SLC6A2: variants seen among roughly 807,000 people sequenced by gnomAD.
SLC6A2 encodes sodium-dependent noradrenaline transporter.
Under a neutral mutation model 71.7 loss-of-function variants are expected in SLC6A2, and 26 were observed. That is an observed-to-expected ratio of 0.36 (90% CI 0.27 to 0.50). SLC6A2 has a LOEUF of 0.50. SLC6A2 is among the 20% of genes least tolerant of loss of function. SLC6A2 has a pLI of 0.96. For missense variants in SLC6A2, 581 were observed against 803.9 expected (o/e 0.72, Z 3.35); for synonymous variants, 363 against 337.9 (o/e 1.07, Z -0.82).
chr16:55,690,825 A>G (rs28473298), intron 5 of SLC6A2, among the ~76,000 whole-genome samples: 150,470 of 152,326 alleles, frequency 0.99, 74,344 homozygotes, highest in Middle Eastern at 1. Context: ...GTATTTGAAT[A>G]TGTAGCCAAG....
chr16:55,657,381 C>T (rs1964487423), intron 2 of SLC6A2, among the ~76,000 whole-genome samples: 1 of 152,078 alleles, frequency 6.6e-6, no homozygotes, highest in African/African-American at 2.4e-5. Flanking sequence ...GAAGGGGCAC[C>T]AGAAGTGGGT....
chr16:55,663,844 G>A (rs1964675361), intron 2 of SLC6A2, among the ~76,000 whole-genome samples: 1 of 151,982 alleles, frequency 6.6e-6, no homozygotes, highest in Admixed American at 6.6e-5. Flanking sequence ...CTTGGAGCTG[G>A]CAGTAACAAA....
In SLC6A2 at chr16:55,671,963, C is replaced by A; in HGVS notation, c.432C>A (p.Ile144=). 6.2e-7 allele frequency: 1 copy of A among 1,614,142 alleles called. No individual in the cohort carries two copies. Among genetic ancestry groups the A allele is most frequent in the Non-Finnish European group, 8.5e-7 (1 of 1,180,026 alleles). Residue 144 remains isoleucine (I), a synonymous_variant, in exon 4 of 15, where the codon ATC becomes ATA. Transcript: ENST00000568943. ...FKGVGYAVIL[I]ALYVGFYYNV... ...GCGTTGGCTATGCTGTCATCCTGAT[C>A]GCCCTGTACGTTGGCTTCTACTACA...
intron 10 of SLC6A2, 33 bp downstream of exon 10, chr16:55,698,058 G>T: frequency 6.2e-7 from 1 of 1,610,008 alleles, no homozygotes; most frequent in East Asian, 2.2e-5. Context: ...GTCACCTGGG[G>T]GCCTCTGAGG....
chr16:55,663,352 C>T (rs989137268), intron 2 of SLC6A2, among the ~76,000 whole-genome samples: 1 of 152,118 alleles, frequency 6.6e-6, no homozygotes, highest in Admixed American at 6.5e-5. Flanking sequence ...AGTTCTCACG[C>T]CACTCTCTTG....
Position 55,685,299 on chromosome 16 carries a change from C to T in SLC6A2, c.783+18C>T. The T allele has an allele frequency of 6.2e-7, 1 of 1,612,658 alleles. No individual in the cohort carries two copies. Among genetic ancestry groups the T allele is most frequent in the Non-Finnish European group, 8.5e-7 (1 of 1,178,664 alleles). On this transcript the variant is annotated intron_variant, in intron 5 of 14. Coordinates refer to ENST00000568943, the MANE Select transcript of SLC6A2 (RefSeq NM_001172501.3). The stretch of plus-strand genomic sequence containing the variant: ...CAGGAAAGGTAATATCTCTGTGTTT[C>T]TCTTTCACTTACTTGGGTGATCAAC...
At chr16:55,689,712 C>T (rs574669860) in intron 5 of SLC6A2, among the ~76,000 whole-genome samples, 5 of 152,226 alleles carry the variant, frequency 3.3e-5, no homozygotes, top group Non-Finnish European at 7.3e-5. Context: ...GATTGATTAA[C>T]GTGAGGTCAC....
In SLC6A2 at chr16:55,702,517, C is replaced by G. The variant is rs1208075820; in HGVS notation, c.*171C>G. ...TTTCGTGACTGTAGTTTTTGTTCAC[C>G]TTCTGTGCATCTGGCCTGGGGGCTG... is the stretch of plus-strand genomic sequence containing the variant. On this transcript the variant is annotated 3_prime_UTR_variant, in exon 15 of 15. Coordinates refer to ENST00000568943, the MANE Select transcript of SLC6A2 (RefSeq NM_001172501.3). 1.1e-5 allele frequency: 17 copies of G among 1,519,192 alleles called. No homozygotes were observed. Among genetic ancestry groups the G allele is most frequent in the Non-Finnish European group, 1.5e-5 (17 of 1,130,552 alleles). 94.1% of individuals were successfully genotyped at this position (1,519,192 alleles called of 1,614,324 possible). A position where few individuals can be genotyped will look rare whatever the true frequency, so the allele number is the denominator to read the frequency against.
intron 9 of SLC6A2, 66 bp downstream of exon 9, chr16:55,696,403 C>G: frequency 1.1e-5 from 10 of 931,232 alleles, no homozygotes; most frequent in African/African-American, 1.6e-5. Context: ...CCCCAACACA[C>G]AGTGCTGGGC....
chr16:55,691,189 G>A (rs1273535041), intron 5 of SLC6A2, among the ~76,000 whole-genome samples: 4 of 138,008 alleles, frequency 2.9e-5, no homozygotes, highest in African/African-American at 8.1e-5. Flanking sequence ...GAGGGAGGGA[G>A]GATGGGAAGA....
chr16:55,669,516 G>T (rs1413201770), intron 2 of SLC6A2, 49 bp from the exon 3 acceptor site: 1 of 1,610,456 alleles, frequency 6.2e-7, no homozygotes, highest in South Asian at 1.1e-5. Context: ...ATCCAAGACT[G>T]GGAGGGGCAG....
chr16:55,658,380 G>C (rs914545606), intron 2 of SLC6A2, among the ~76,000 whole-genome samples: 3 of 152,146 alleles, frequency 2.0e-5, no homozygotes, highest in Non-Finnish European at 4.4e-5. Flanking sequence ...GGGCGTAGTG[G>C]TGCACGCCTG....
intron 2 of SLC6A2, among the ~76,000 whole-genome samples, chr16:55,665,383 C>G (rs1964721598): frequency 1.3e-5 from 2 of 152,100 alleles, no homozygotes; most frequent in South Asian, 4.1e-4. Flanking sequence ...GGAAGGGGGA[C>G]AAATCTAGCT....
At chr16:55,668,933 C>A (rs1964826545) in intron 2 of SLC6A2, among the ~76,000 whole-genome samples, 1 of 152,216 alleles carries the variant, frequency 6.6e-6, no homozygotes, top group African/African-American at 2.4e-5. Context: ...CCATTAGACT[C>A]CCTTCTCTGC....
At chr16:55,665,085 A>G (rs1964713186) in intron 2 of SLC6A2, among the ~76,000 whole-genome samples, 1 of 152,160 alleles carries the variant, frequency 6.6e-6, no homozygotes, top group South Asian at 2.1e-4. Context: ...GAGCCCTGAC[A>G]TGGCTAGATT....
At chr16:55,700,817 A>G (rs1174143544) in intron 13 of SLC6A2, among the ~76,000 whole-genome samples, 1 of 152,176 alleles carries the variant, frequency 6.6e-6, no homozygotes, top group East Asian at 1.9e-4. Context: ...ATATATGTCA[A>G]TATTTATACA....
At chr16:55,681,371 C>T (rs954552681) in intron 4 of SLC6A2, among the ~76,000 whole-genome samples, 9 of 152,182 alleles carry the variant, frequency 5.9e-5, no homozygotes, top group South Asian at 2.1e-4. Flanking sequence ...CACCAGCCCC[C>T]GGCACACTGC....
At chr16:55,675,779 GAA>G (rs11418298) in intron 4 of SLC6A2, among the ~76,000 whole-genome samples, 23 of 149,894 alleles carry the variant, frequency 1.5e-4, no homozygotes, top group Admixed American at 2.7e-4. Flanking sequence ...AAAAAGTGTG[GAA>G]AAAAAAAACA....
intron 7 of SLC6A2, among the ~76,000 whole-genome samples, 153 bp downstream of exon 7, chr16:55,694,266 A>G (rs918076039): frequency 3.0e-4 from 46 of 152,172 alleles, no homozygotes; most frequent in African/African-American, 1.1e-3. Context: ...AAACTGCGAC[A>G]TGGCCTCTGA....
Sources: gnomAD v4.1 joint callset for allele counts (sites outside exome capture counted in the v4.1 genomes callset) on GRCh38, gnomAD v4.1.1 for gene constraint, MANE v1.5 for transcripts, NCBI Gene and HGNC (gene_info 2026-07-23, HGNC 2026-07-21) for gene names.